Variants in TIAM1 observed in about 807,000 individuals in gnomAD.
TIAM1 encodes the protein TIAM Rac1 associated GEF 1.
A neutral mutation model predicts 163.5 loss-of-function variants in TIAM1; 65 were observed. That is an observed-to-expected ratio of 0.40 (90% confidence interval 0.33 to 0.49). TIAM1 has a LOEUF of 0.49. TIAM1 is among the 20% of genes least tolerant of loss of function. The probability of loss-of-function intolerance (pLI) is 0.77; values close to 1 mark genes in which losing one functional copy is unlikely to be tolerated. For missense variants in TIAM1, 1,789 were observed against 2,044.7 expected (o/e 0.87, Z 2.41); for synonymous variants, 833 against 810.1 (o/e 1.03, Z -0.48).
intron 2 of TIAM1, among the ~76,000 whole-genome samples, chr21:31,298,799 TGAGAGAGAGAGA>T (rs72318608): frequency 6.2e-5 from 8 of 129,968 alleles, no homozygotes; most frequent in Admixed American, 1.6e-4. Context: ...AAAAAAACAA[TGAGAGAGAGAGA>T]GAGAGAGAGA....
intron 6 of TIAM1, among the ~76,000 whole-genome samples, chr21:31,236,106 A>G (rs1017290195): frequency 1.3e-5 from 2 of 152,200 alleles, no homozygotes. Context: ...CCAGCTATTC[A>G]GTGTCAAAAA....
chr21:31,130,078 AAG>A, intron 25 of TIAM1, 133 bp downstream of exon 25: 1 of 662,480 alleles, frequency 1.5e-6, no homozygotes, highest in Non-Finnish European at 2.6e-6. Flanking sequence ...ACCGAGAGAC[AAG>A]AGAGTTAAGC....
rs537216842 is a variant in TIAM1, at chr21:31,538,720, C to T, written c.-422+20207G>A. ...CATGACAATGTTTTCATTAATGCTG[C>T]CTTGGTTTCGAAAGAGATTTGGCCC... On this transcript the variant is annotated intron_variant, in intron 1 of 28. Transcript: ENST00000286827. Among the ~76,000 whole-genome samples, 9 of 152,288 alleles carry T rather than the reference C, an allele frequency of 5.9e-5. No individual in the cohort carries two copies. The South Asian group carries it at 1.2e-3, about 21-fold the overall frequency.
At chr21:31,276,481 G>A (rs566994592) in intron 3 of TIAM1, among the ~76,000 whole-genome samples, 35 of 152,224 alleles carry the variant, frequency 2.3e-4, no homozygotes, top group African/African-American at 8.4e-4. Flanking sequence ...AAATTTACGA[G>A]ATCCTGAGGG....
At chr21:31,485,253 C>T (rs189875081) in intron 1 of TIAM1, among the ~76,000 whole-genome samples, 21 of 152,262 alleles carry the variant, frequency 1.4e-4, no homozygotes, top group Admixed American at 1.3e-3. Flanking sequence ...CTCCATGCCT[C>T]GCACACATTC....
intron 1 of TIAM1, among the ~76,000 whole-genome samples, chr21:31,474,878 G>A (rs542361029): frequency 3.0e-4 from 46 of 151,974 alleles, no homozygotes; most frequent in Admixed American, 5.2e-4. Flanking sequence ...CCTGCACCCT[G>A]GGAGCCCTAC....
In TIAM1 at chr21:31,388,666, T is replaced by TAA. The variant is rs34205347; in HGVS notation, c.-368-49246_-368-49245dup. On this transcript the variant is annotated intron_variant, in intron 2 of 28. Transcript: ENST00000286827. ...GAGCAAAACCTTGTCTCTTAAAAAA[T>TAA]AAAAAAAAAAACAGAGAAAGTGGAG... Among the ~76,000 whole-genome samples, 192 of 145,138 alleles carry TAA rather than the reference T, an allele frequency of 1.3e-3. 3 individuals carry two copies. The highest frequency in any genetic ancestry group is 3.9e-3 in the African/African-American group (157 of 39,844).
intron 1 of TIAM1, among the ~76,000 whole-genome samples, chr21:31,534,875 C>T (rs986890789): frequency 3.3e-5 from 5 of 152,218 alleles, no homozygotes; most frequent in Non-Finnish European, 7.4e-5. Flanking sequence ...GGAGACCAAG[C>T]TGGGAGGATT....
At chr21:31,324,523 A>G (rs1288544446) in intron 2 of TIAM1, among the ~76,000 whole-genome samples, 1 of 152,212 alleles carries the variant, frequency 6.6e-6, no homozygotes, top group Admixed American at 6.5e-5. Context: ...GTCCCCATTT[A>G]TAAATGAAGA....
At chr21:31,474,709 C>T (rs1345584359) in intron 1 of TIAM1, among the ~76,000 whole-genome samples, 1 of 151,928 alleles carries the variant, frequency 6.6e-6, no homozygotes, top group Admixed American at 6.6e-5. Flanking sequence ...CCATGCCCGG[C>T]TAATTTTGTA....
At chr21:31,248,812 G>GT (rs1440387500) in intron 5 of TIAM1, among the ~76,000 whole-genome samples, 1 of 152,112 alleles carries the variant, frequency 6.6e-6, no homozygotes, top group Non-Finnish European at 1.5e-5. Context: ...CCAACAGGCT[G>GT]TGTCACTCAG....
At position 31,465,871 on chromosome 21, in the gene TIAM1, A is replaced by G. The variant is rs555084218; in HGVS notation, c.-421-1836T>C. On this transcript the variant is annotated intron_variant, in intron 1 of 28. Coordinates refer to the TIAM1 transcript ENST00000286827. ...CCGGCGTGAGCCACCGCACCTGGCTAATTTTTTTGTATTTTTAGTAGAGAC... is the reference window on the plus strand; with the variant it reads ...CCGGCGTGAGCCACCGCACCTGGCTGATTTTTTTGTATTTTTAGTAGAGAC... Among the ~76,000 whole-genome samples, 4 of 149,868 alleles carry G rather than the reference A, an allele frequency of 2.7e-5. No homozygotes were observed. In the East Asian group the frequency reaches 7.9e-4, roughly 30 times the overall value.
intron 1 of TIAM1, among the ~76,000 whole-genome samples, chr21:31,470,622 C>G (rs1001247672): frequency 4.9e-4 from 75 of 152,324 alleles, no homozygotes; most frequent in African/African-American, 1.8e-3. Flanking sequence ...TGTGAGCCAC[C>G]ACACCTGGCT....
chr21:31,354,266 G>A (rs1432580295), intron 2 of TIAM1, among the ~76,000 whole-genome samples: 3 of 152,160 alleles, frequency 2.0e-5, no homozygotes, highest in Non-Finnish European at 4.4e-5. Flanking sequence ...AAGGACAAAT[G>A]TGGCAGGCAA....
At chr21:31,151,774 C>G (rs1172643732) in intron 19 of TIAM1, among the ~76,000 whole-genome samples, 1 of 152,046 alleles carries the variant, frequency 6.6e-6, no homozygotes, top group Non-Finnish European at 1.5e-5. Flanking sequence ...GACACGTAAG[C>G]CAACACATGA....
intron 2 of TIAM1, among the ~76,000 whole-genome samples, chr21:31,361,878 T>TAGATAGATAGATAGAC (rs1172591062): frequency 6.0e-5 from 9 of 149,404 alleles, no homozygotes; most frequent in African/African-American, 1.5e-4. Context: ...GATAGATAGA[T>TAGATAGATAGATAGAC]AGACAGACAT....
At chr21:31,181,525 C>G (rs2085013452) in intron 15 of TIAM1, among the ~76,000 whole-genome samples, 1 of 151,854 alleles carries the variant, frequency 6.6e-6, no homozygotes, top group Admixed American at 6.6e-5. Flanking sequence ...AGGGGGGTCA[C>G]TGAAGCGCTC....
intron 2 of TIAM1, among the ~76,000 whole-genome samples, chr21:31,418,968 G>T (rs945177002): frequency 2.0e-5 from 3 of 152,148 alleles, no homozygotes; most frequent in Non-Finnish European, 4.4e-5. Flanking sequence ...AGTAATCCTA[G>T]GTTGAAGATG....
At chr21:31,550,480 AG>A (rs2048645963) in intron 1 of TIAM1, among the ~76,000 whole-genome samples, 1 of 151,650 alleles carries the variant, frequency 6.6e-6, no homozygotes, top group South Asian at 2.1e-4. Context: ...AAGTGCTGGG[AG>A]GAAGGGTAGA....
Sources: gnomAD v4.1 joint callset for allele counts (sites outside exome capture counted in the v4.1 genomes callset) on GRCh38, gnomAD v4.1.1 for gene constraint, MANE v1.5 for transcripts, NCBI Gene and HGNC (gene_info 2026-07-23, HGNC 2026-07-21) for gene names.